The following OPCML variants were observed in gnomAD, a reference collection of about 807,000 sequenced individuals.
OPCML encodes the protein opioid-binding protein/cell adhesion molecule.
Under a neutral mutation model 37.8 loss-of-function variants are expected in OPCML, and 13 were observed. The observed-to-expected ratio is 0.34, with a 90% CI of 0.22 to 0.55. OPCML has a LOEUF of 0.55. OPCML is among the 20% of genes least tolerant of loss of function. The pLI, the probability that OPCML is intolerant of heterozygous loss-of-function variation, is 0.91. For missense variants in OPCML, 341 were observed against 435.6 expected (o/e 0.78, Z 1.93); for synonymous variants, 176 against 168.8 (o/e 1.04, Z -0.33).
chr11:132,479,479 G>A (rs2096170435), intron 4 of OPCML, among the ~76,000 whole-genome samples: 1 of 152,218 alleles, frequency 6.6e-6, no homozygotes, highest in African/African-American at 2.4e-5. Flanking sequence ...GGCTTGCTTA[G>A]GTAAACAAAG....
intron 3 of OPCML, among the ~76,000 whole-genome samples, chr11:132,607,934 G>C (rs1591617828): frequency 6.6e-6 from 1 of 152,112 alleles, no homozygotes; most frequent in Admixed American, 6.5e-5. Flanking sequence ...AAGAGCAAGT[G>C]TTTGCTAGAT....
intron 1 of OPCML, among the ~76,000 whole-genome samples, chr11:133,000,004 C>A (rs1350475535): frequency 1.3e-5 from 2 of 152,192 alleles, no homozygotes; most frequent in Non-Finnish European, 2.9e-5. Context: ...TGAGCCAAAT[C>A]TATAAAAAAT....
intron 2 of OPCML, among the ~76,000 whole-genome samples, chr11:132,942,318 A>G (rs1301040584): frequency 6.6e-6 from 1 of 152,200 alleles, no homozygotes; most frequent in Non-Finnish European, 1.5e-5. Context: ...ATGTTGTTGC[A>G]TAAAAGCTAC....
chr11:133,034,032 G>A (rs1387364467), intron 1 of OPCML, among the ~76,000 whole-genome samples: 3 of 152,122 alleles, frequency 2.0e-5, no homozygotes, highest in Non-Finnish European at 4.4e-5. Flanking sequence ...TGACTTAGTT[G>A]CGATGGAAAC....
chr11:133,042,578 G>A (rs187731891), intron 1 of OPCML, among the ~76,000 whole-genome samples: 83 of 152,288 alleles, frequency 5.5e-4, no homozygotes, highest in East Asian at 3.3e-3. Flanking sequence ...CCCAAACACA[G>A]TTCCCACACT....
At chr11:133,481,808 T>C (rs1947378115) in intron 1 of OPCML, among the ~76,000 whole-genome samples, 1 of 152,170 alleles carries the variant, frequency 6.6e-6, no homozygotes, top group Non-Finnish European at 1.5e-5. Context: ...TAATGTAAGG[T>C]GTTGACTATT....
At chr11:133,148,364 G>A (rs770729707) in intron 1 of OPCML, among the ~76,000 whole-genome samples, 4 of 152,180 alleles carry the variant, frequency 2.6e-5, no homozygotes, top group African/African-American at 4.8e-5. Flanking sequence ...TGGAGGGAAC[G>A]TGCAATCCAT....
intron 1 of OPCML, among the ~76,000 whole-genome samples, chr11:133,031,970 C>A (rs1489430999): frequency 6.6e-6 from 1 of 152,190 alleles, no homozygotes; most frequent in Non-Finnish European, 1.5e-5. Context: ...CTCATTTAAT[C>A]TTCAACCTTA....
At chr11:133,410,169 TCCAGCTACCCCA>T (rs1181511534) in intron 1 of OPCML, among the ~76,000 whole-genome samples, 1 of 152,204 alleles carries the variant, frequency 6.6e-6, no homozygotes, top group East Asian at 1.9e-4. Flanking sequence ...TGGTTATATT[TCCAGCTACCCCA>T]CCAGCGCCCA....
intron 1 of OPCML, among the ~76,000 whole-genome samples, chr11:133,218,028 A>AGAGAC (rs1939657800): frequency 6.6e-6 from 1 of 150,490 alleles, no homozygotes; most frequent in Non-Finnish European, 1.5e-5. Flanking sequence ...CCTGAACAAC[A>AGAGAC]GAGACATACC....
intron 3 of OPCML, among the ~76,000 whole-genome samples, chr11:132,635,413 C>T (rs1269732273): frequency 6.6e-6 from 1 of 151,722 alleles, no homozygotes; most frequent in African/African-American, 2.4e-5. Context: ...CAGGAATGAT[C>T]GATGGCTTAT....
intron 2 of OPCML, among the ~76,000 whole-genome samples, chr11:132,814,504 A>G (rs1939521074): frequency 6.6e-6 from 1 of 152,206 alleles, no homozygotes; most frequent in South Asian, 2.1e-4. Flanking sequence ...TGAAAACATG[A>G]GGAAGGGCAA....
intron 2 of OPCML, among the ~76,000 whole-genome samples, chr11:132,901,178 T>G (rs2136500066): frequency 6.6e-6 from 1 of 151,954 alleles, no homozygotes; most frequent in East Asian, 1.9e-4. Flanking sequence ...AGACTCTGTC[T>G]CTCAAAAAAT....
rs575755770 is a variant in OPCML at position 132,715,112 on chromosome 11, G to A, written c.147-57793C>T. Among the ~76,000 whole-genome samples the A allele has an allele frequency of 9.8e-4, 149 of 152,266 alleles. 2 individuals carry two copies. The South Asian group carries it at 0.014, about 14-fold the overall frequency. Reference sequence around the variant, plus strand: ...CCTCAGCAGGAACTGTGACTCCACTGCTCCTCACTCTTATTTGACCTCATT... The same window carrying A: ...CCTCAGCAGGAACTGTGACTCCACTACTCCTCACTCTTATTTGACCTCATT... On this transcript the variant is annotated intron_variant, in intron 2 of 7. Transcript: ENST00000524381.
chr11:133,420,879 G>A (rs966321008), intron 1 of OPCML: 2 of 985,244 alleles, frequency 2.0e-6, no homozygotes, highest in Admixed American at 6.1e-5. Context: ...CCATTTATAT[G>A]AGCGTCTCAT....
chr11:133,301,033 C>T (rs1942763415), intron 1 of OPCML: 1 of 152,120 alleles, frequency 6.6e-6, no homozygotes, highest in Non-Finnish European at 1.5e-5. Context: ...TTCAAACCAC[C>T]AGGTTTATGG....
chr11:132,424,999 A>C (rs1333324891), intron 7 of OPCML, among the ~76,000 whole-genome samples: 2 of 152,164 alleles, frequency 1.3e-5, no homozygotes, highest in African/African-American at 4.8e-5. Context: ...TGGGGCATTG[A>C]GCAGGGCACT....
chr11:132,808,622 C>T (rs967396506), intron 2 of OPCML, among the ~76,000 whole-genome samples: 3 of 152,124 alleles, frequency 2.0e-5, no homozygotes, highest in African/African-American at 7.2e-5. Flanking sequence ...AAATGAAACA[C>T]GACTGTGAGC....
At chr11:133,029,988 C>A (rs1308135464) in intron 1 of OPCML, among the ~76,000 whole-genome samples, 1 of 152,180 alleles carries the variant, frequency 6.6e-6, no homozygotes, top group Non-Finnish European at 1.5e-5. Context: ...AGGTCACCAT[C>A]ATCTTAAGAG....
Sources: gnomAD v4.1 joint callset for allele counts (sites outside exome capture counted in the v4.1 genomes callset) on GRCh38, gnomAD v4.1.1 for gene constraint, MANE v1.5 for transcripts, NCBI Gene and HGNC (gene_info 2026-07-23, HGNC 2026-07-21) for gene names.